Variants in SLC22A13 observed in about 807,000 individuals in gnomAD.
SLC22A13 encodes the protein organic anion transporter 10.
Under a neutral mutation model 49.1 loss-of-function variants are expected in SLC22A13, and 42 were observed. That is an observed-to-expected ratio of 0.85 (90% CI 0.67 to 1.11). SLC22A13 has a LOEUF of 1.11. SLC22A13 is among the 50% of genes least tolerant of loss of function. SLC22A13 has a pLI of 0.00. For missense variants in SLC22A13, 694 were observed against 712.8 expected (o/e 0.97, Z 0.30); for synonymous variants, 282 against 293.1 (o/e 0.96, Z 0.39).
chr3:38,275,222 G>A (rs565306694), intron 4 of SLC22A13, 65 bp downstream of exon 4: 2 of 1,595,444 alleles, frequency 1.3e-6, no homozygotes, highest in East Asian at 2.2e-5. Flanking sequence ...GGGTTGCAGT[G>A]CAGCACCCAT....
At position 38,275,592 on chromosome 3, in the gene SLC22A13, G is replaced by T; in HGVS notation, c.942G>T (p.Lys314Asn). 6.2e-7 allele frequency: 1 copy of T among 1,614,174 alleles called. No homozygotes were observed. Among genetic ancestry groups the T allele is most frequent in the Non-Finnish European group, 8.5e-7 (1 of 1,180,010 alleles). Residue 314 changes from lysine to asparagine, a missense_variant, in exon 6 of 10, where the codon AAG (lysine) becomes AAT (asparagine). By Grantham distance (94) the Lys-to-Asn change is moderately conservative. Transcript: ENST00000311856. ...PELMNQLVPE[K>N]TGPSGNALDL... ...CTTCCTCCCAGCTGGTCCCAGAGAA[G>T]ACAGGCCCCTCAGGGAATGCCCTGG...
chr3:38,272,794 ATGGTGAT>A (rs1703535411), intron 1 of SLC22A13, among the ~76,000 whole-genome samples: 2 of 152,332 alleles, frequency 1.3e-5, no homozygotes, highest in South Asian at 4.1e-4. Flanking sequence ...TATTTAACTG[ATGGTGAT>A]TGGTTAATTA....
Position 38,276,002 on chromosome 3 carries a change from C to T in SLC22A13, c.1143C>T (p.Ile381=). 6.2e-7 allele frequency: 1 copy of T among 1,614,212 alleles called. No individual in the cohort carries two copies. Among genetic ancestry groups the T allele is most frequent in the Non-Finnish European group, 8.5e-7 (1 of 1,180,022 alleles). ...AVEVPARCSS[I]FMMQRFGRKW... Reference sequence around the variant, plus strand: ...AGGTGCCTGCCCGCTGTTCCAGCATCTTCATGATGCAGAGGTTTGGCCGCA... The same window carrying T: ...AGGTGCCTGCCCGCTGTTCCAGCATTTTCATGATGCAGAGGTTTGGCCGCA... The change falls in exon 7 of 10, where the codon ATC becomes ATT. Residue 381 remains isoleucine (I), a synonymous_variant. Transcript: ENST00000311856.
chr3:38,266,305 C>T (rs1437838030), intron 1 of SLC22A13, 67 bp downstream of exon 1: 31 of 1,552,782 alleles, frequency 2.0e-5, no homozygotes, highest in Non-Finnish European at 1.4e-5. Flanking sequence ...CCTGACTCTT[C>T]GCCCTCAGTC....
Position 38,265,976 on chromosome 3 carries a change from A to T in SLC22A13, c.116A>T (p.His39Leu), listed in dbSNP as rs755280647. ...CTGTCTCCCTTCTACTTTTTTGCCC[A>T]TGTCTTCATGGTCCTAGATGAGCCC... is the stretch of plus-strand genomic sequence containing the variant. ...NFLSPFYFFA[H>L]VFMVLDEPHH... is the part of the protein sequence containing the mutation. Residue 39 changes from histidine to leucine, a missense_variant, in exon 1 of 10, where the codon CAT becomes CTT. Physicochemically the swap from His to Leu is moderately conservative, Grantham distance 99. Transcript: ENST00000311856. 2 of 1,613,944 alleles carry T rather than the reference A, an allele frequency of 1.2e-6. No homozygotes were observed. Among genetic ancestry groups the T allele is most frequent in the Admixed American group, 1.7e-5 (1 of 59,996 alleles).
chr3:38,277,155 C>A (rs373482264), intron 9 of SLC22A13, 28 bp downstream of exon 9: 8 of 1,513,930 alleles, frequency 5.3e-6, no homozygotes, highest in Non-Finnish European at 7.2e-6. Flanking sequence ...ACTGAAACCA[C>A]GACTTGGGTC....
chr3:38,272,817 CTGTAGGCATTAGTTTA>C (rs1050509852), intron 1 of SLC22A13, among the ~76,000 whole-genome samples: 45 of 152,222 alleles, frequency 3.0e-4, no homozygotes, highest in African/African-American at 1.1e-3. Flanking sequence ...AATTAGCTAG[CTGTAGGCATTAGTTTA>C]TGTCTTCATT....
intron 6 of SLC22A13, 55 bp from the exon 7 acceptor site, chr3:38,275,827 C>T (rs1703574364): frequency 6.4e-7 from 1 of 1,557,274 alleles, no homozygotes; most frequent in Middle Eastern, 1.7e-4. Flanking sequence ...CAGGCTCTCC[C>T]TCTGGGTGGT....
chr3:38,273,904 T>A (rs1170532058), intron 1 of SLC22A13, among the ~76,000 whole-genome samples: 4 of 152,236 alleles, frequency 2.6e-5, no homozygotes, highest in Non-Finnish European at 4.4e-5. Context: ...CACTTTCTCT[T>A]CCACATTGAT....
At position 38,278,008 on chromosome 3, in the gene SLC22A13, G is replaced by A. The variant is rs1198679584; in HGVS notation, c.*543G>A. ...CTCTGGCTAACGTATGGCCCCATAG[G>A]TCACTGGGTCATACAGAGAGAAGAT... On this transcript the variant is annotated 3_prime_UTR_variant, in exon 10 of 10. Transcript: ENST00000311856. 2.0e-5 allele frequency: 3 copies of A among 152,514 alleles called. No homozygotes were observed. The highest frequency in any genetic ancestry group is 4.4e-5 in the Non-Finnish European group (3 of 68,306). 9.4% of individuals were successfully genotyped at this position (152,514 alleles called of 1,614,324 possible).
In SLC22A13 at chr3:38,278,732, A is replaced by T. The variant is rs1229117264; in HGVS notation, c.*1267A>T. On this transcript the variant is annotated 3_prime_UTR_variant, in exon 10 of 10. Transcript: ENST00000311856. ...CTACTTGGGAGGCTGAGGCAGGAGA[A>T]TCGCTTGAACCTGGGAGGCGGAGTT... Among the ~76,000 whole-genome samples the T allele has an allele frequency of 6.6e-6, 1 of 151,230 alleles. No individual in the cohort carries two copies. Among genetic ancestry groups the T allele is most frequent in the African/African-American group, 2.4e-5 (1 of 40,998 alleles).
In SLC22A13 at chr3:38,274,370, C is replaced by T. The variant is rs763121724; in HGVS notation, c.477C>T (p.Cys159=). The change falls in exon 2 of 10, where the codon TGC becomes TGT. Residue 159 remains cysteine (C), a synonymous_variant. Coordinates refer to ENST00000311856, the MANE Select transcript of SLC22A13 (RefSeq NM_004256.4). ...LVGTLMFGPL[C]DRIGRKATIL... is the part of the protein sequence containing the mutation. ...GCACCCTCATGTTTGGGCCCCTCTG[C>T]GACCGGTAAGAACCTTGCCCTGCCC... is the stretch of plus-strand genomic sequence containing the variant. 24 of 1,613,212 alleles carry T rather than the reference C, an allele frequency of 1.5e-5. No homozygotes were observed. The highest frequency in any genetic ancestry group is 1.6e-4 in the Middle Eastern group (1 of 6,082).
chr3:38,272,670 A>G (rs998653717), intron 1 of SLC22A13, among the ~76,000 whole-genome samples: 5 of 152,236 alleles, frequency 3.3e-5, no homozygotes, highest in Non-Finnish European at 5.9e-5. Flanking sequence ...CCCAGGGGCA[A>G]TCAGTTCATC....
rs1703551375 is a variant in SLC22A13, at chr3:38,274,306, A to G, written c.413A>G (p.Asp138Gly). The G allele has an allele frequency of 6.2e-7, 1 of 1,614,130 alleles. No individual in the cohort carries two copies. Among genetic ancestry groups the G allele is most frequent in the South Asian group, 1.1e-5 (1 of 91,082 alleles). Reference sequence around the variant, plus strand: ...GTTTGTGATCGGAAGCACCTGAAGGACACCACACAGTCAGTGTTCATGGCT... The same window carrying G: ...GTTTGTGATCGGAAGCACCTGAAGGGCACCACACAGTCAGTGTTCATGGCT... Reference protein sequence around the residue: ...NLVCDRKHLKDTTQSVFMAGL... With the variant: ...NLVCDRKHLKGTTQSVFMAGL... The change falls in exon 2 of 10, where the codon GAC becomes GGC. Residue 138 changes from aspartate to glycine, a missense_variant. Physicochemically the swap from Asp to Gly is moderately conservative, Grantham distance 94 (BLOSUM62 -1). Coordinates refer to ENST00000311856, the MANE Select transcript of SLC22A13 (RefSeq NM_004256.4).
intron 1 of SLC22A13, among the ~76,000 whole-genome samples, chr3:38,267,470 C>T (rs954387437): frequency 6.6e-6 from 1 of 152,158 alleles, no homozygotes; most frequent in African/African-American, 2.4e-5. Flanking sequence ...CCAGCCCTAA[C>T]GTGTTGTGAT....
chr3:38,276,713 T>TGA (rs1283804927), intron 8 of SLC22A13, among the ~76,000 whole-genome samples, 199 bp from the exon 9 acceptor site: 1 of 151,954 alleles, frequency 6.6e-6, no homozygotes. Context: ...ACCTGAGACT[T>TGA]GACAGGCGAG....
chr3:38,275,104 G>A lies in SLC22A13; in HGVS notation c.753G>A (p.Arg251=), dbSNP rs751683615. 5 of 1,614,126 alleles carry A rather than the reference G, an allele frequency of 3.1e-6. No individual in the cohort carries two copies. Among genetic ancestry groups the A allele is most frequent in the Admixed American group, 3.3e-5 (2 of 60,008 alleles). ...TCGCCTACGGTTTCCGCAACTGGAG[G>A]CTCCTTCAGATCACCGGCACTGCGC... The part of the protein sequence containing the change: ...AGLAYGFRNW[R]LLQITGTAPG... The change falls in exon 4 of 10, where the codon AGG becomes AGA. Residue 251 remains arginine (R), a synonymous_variant. Coordinates refer to ENST00000311856, the MANE Select transcript of SLC22A13 (RefSeq NM_004256.4).
rs1302419947 is a variant in SLC22A13 at position 38,276,273 on chromosome 3, C to A, written c.1238-14C>A. The A allele has an allele frequency of 1.2e-6, 2 of 1,603,046 alleles. No individual in the cohort carries two copies. Among genetic ancestry groups the A allele is most frequent in the African/African-American group, 2.7e-5 (2 of 74,786 alleles). ...GTCAGGGCCCAGGTGATGGGGCTGT[C>A]TACCCTCTGCCAGATCTGCCCGTGG... On this transcript the variant is annotated splice_polypyrimidine_tract_variant and intron_variant, in intron 7 of 9. Coordinates refer to ENST00000311856, the MANE Select transcript of SLC22A13 (RefSeq NM_004256.4).
intron 1 of SLC22A13, among the ~76,000 whole-genome samples, chr3:38,267,268 C>T (rs1303305897): frequency 6.6e-6 from 1 of 152,188 alleles, no homozygotes; most frequent in Non-Finnish European, 1.5e-5. Context: ...AGAAGCCTGG[C>T]AGCCTGCGGA....
Sources: allele counts gnomAD v4.1 joint callset (sites outside exome capture counted in the v4.1 genomes callset), GRCh38; gene constraint gnomAD v4.1.1; transcripts MANE v1.5; gene names NCBI Gene and HGNC (gene_info 2026-07-23, HGNC 2026-07-21).